DMD: variants seen among roughly 807,000 people sequenced by gnomAD.
DMD encodes mutant dystrophin.
Under a neutral mutation model 330.1 loss-of-function variants are expected in DMD, and 63 were observed. The observed-to-expected ratio is 0.19, with a 90% confidence interval of 0.16 to 0.24. The LOEUF (loss-of-function observed/expected upper bound fraction) is 0.24, where lower values mean the gene tolerates loss of function less well. Among genes scored for constraint, DMD ranks in the 10% least tolerant of loss-of-function variants. The pLI is 1.00. For synonymous variants in DMD, 1,223 were observed against 959.8 expected, an observed-to-expected ratio of 1.27 and a Z score of -5.07; for missense variants, 3,344 against 2,684.1, an observed-to-expected ratio of 1.25 and a Z score of -5.43.
intron 9 of DMD, among the ~76,000 whole-genome samples, chrX:32,689,940 G>A (rs1230927635): frequency 9.0e-6 from 1 of 110,498 alleles, no homozygotes; most frequent in African/African-American, 3.3e-5. Flanking sequence ...AAGATCGCAG[G>A]TCATATCACA....
At chrX:32,421,197 T>A (rs1392575968) in intron 29 of DMD, among the ~76,000 whole-genome samples, 1 of 112,537 alleles carries the variant, frequency 8.9e-6, no homozygotes, top group Non-Finnish European at 1.9e-5. Context: ...AGTATGCTTA[T>A]GGCTTCCTGT....
intron 52 of DMD, among the ~76,000 whole-genome samples, chrX:31,710,840 G>A (rs896019910): frequency 6.3e-5 from 7 of 111,007 alleles, no homozygotes; most frequent in Non-Finnish European, 9.5e-5. Flanking sequence ...TATATGATAT[G>A]AACTCTATCA....
chrX:31,138,647 GA>G lies in DMD; in HGVS notation c.10922-4454del, dbSNP rs2035580841. The stretch of plus-strand genomic sequence containing the variant: ...CAGGAGAGAGAGAGAGAGAGAGAGA[GA>G]GAGAGAGAGAGAGAGAGAGAGAGAG... On this transcript the variant is annotated intron_variant, in intron 76 of 78. Transcript: ENST00000357033. Among the ~76,000 whole-genome samples the G allele has an allele frequency of 4.2e-5, 3 of 70,661 alleles. No individual in the cohort carries two copies. In the East Asian group the frequency reaches 1.3e-3, roughly 31 times the overall value. The allele number at this position is 70,661 out of a possible 115,157, so 61.4% of individuals were successfully genotyped here.
At chrX:33,061,067 A>G (rs371861033) in intron 1 of DMD, among the ~76,000 whole-genome samples, 2 of 112,079 alleles carry the variant, frequency 1.8e-5, no homozygotes, top group Non-Finnish European at 1.9e-5. Flanking sequence ...TGTTCTTTAC[A>G]ATTTCCATTT....
intron 1 of DMD, among the ~76,000 whole-genome samples, chrX:33,284,899 G>T (rs1452268198): frequency 9.4e-6 from 1 of 106,862 alleles, no homozygotes; most frequent in Non-Finnish European, 1.9e-5. Flanking sequence ...GCAGTGAGGG[G>T]TATTAATGAC....
chrX:32,069,327 T>C (rs922749489), intron 44 of DMD, among the ~76,000 whole-genome samples: 18 of 111,774 alleles, frequency 1.6e-4, no homozygotes, highest in African/African-American at 5.5e-4. Context: ...AATCTAAATA[T>C]GTTTCTTTAG....
chrX:32,714,793 T>C (rs981225468), intron 7 of DMD, among the ~76,000 whole-genome samples: 2 of 112,162 alleles, frequency 1.8e-5, no homozygotes, highest in African/African-American at 3.2e-5. Flanking sequence ...GAAAACTACA[T>C]AGATTTTGGA....
At position 31,995,125 on chromosome X, in the gene DMD, TTCTC is replaced by T. The variant is rs768081918; in HGVS notation, c.6439-26615_6439-26612del. ...AGGATGGCATTTCCGAAGTTCCAAA[TTCTC>T]TCTGTGTGTATCTGTGTGCTTGAGC... On this transcript the variant is annotated intron_variant, in intron 44 of 78. Transcript: ENST00000357033. Among the ~76,000 whole-genome samples the T allele has an allele frequency of 7.6e-4, 85 of 111,936 alleles. No individual in the cohort carries two copies. The South Asian group carries it at 0.031, about 41-fold the overall frequency.
At chrX:31,500,037 A>AT (rs199841735) in intron 56 of DMD, among the ~76,000 whole-genome samples, 4,724 of 111,497 alleles carry the variant, frequency 0.042, 94 homozygotes, top group Middle Eastern at 0.087. Flanking sequence ...AAATTGCTTC[A>AT]TTTTTTTCCT....
At chrX:32,449,422 T>G (rs1401906850) in intron 26 of DMD, among the ~76,000 whole-genome samples, 1 of 109,835 alleles carries the variant, frequency 9.1e-6, no homozygotes, top group Admixed American at 9.8e-5. Flanking sequence ...ACGAACGCCG[T>G]TTCTTTATTA....
At chrX:32,141,577 C>T (rs1191790144) in intron 44 of DMD, among the ~76,000 whole-genome samples, 4 of 111,315 alleles carry the variant, frequency 3.6e-5, no homozygotes, top group Admixed American at 9.6e-5. Context: ...TTCTCCTTTG[C>T]TCTCTGTGCC....
intron 13 of DMD, among the ~76,000 whole-genome samples, chrX:32,582,469 C>T (rs1041259226): frequency 2.7e-5 from 3 of 111,346 alleles, no homozygotes; most frequent in Non-Finnish European, 3.8e-5. Context: ...AACTATAAAA[C>T]ATTATTGAGA....
chrX:31,828,626 A>G (rs1422957519), intron 49 of DMD, among the ~76,000 whole-genome samples: 1 of 103,072 alleles, frequency 9.7e-6, no homozygotes, highest in African/African-American at 3.6e-5. Context: ...ATCATGCCAC[A>G]GCACTAAAGC....
chrX:33,186,242 T>A (rs775945058), intron 1 of DMD, among the ~76,000 whole-genome samples: 3 of 112,244 alleles, frequency 2.7e-5, no homozygotes, highest in Non-Finnish European at 5.6e-5. Flanking sequence ...TGGCCTAGGC[T>A]ACATGTAGGC....
At chrX:31,988,468 C>A in intron 44 of DMD, among the ~76,000 whole-genome samples, 1 of 47,738 alleles carries the variant, frequency 2.1e-5, no homozygotes. Context: ...AGTGAGACTC[C>A]ATCTCAAAAA....
chrX:31,283,361 C>T (rs1372997466), intron 62 of DMD, among the ~76,000 whole-genome samples: 2 of 111,455 alleles, frequency 1.8e-5, no homozygotes, highest in African/African-American at 3.3e-5. Context: ...TAGTCATTAT[C>T]GTGTCTGAAT....
At chrX:31,149,771 C>T in intron 74 of DMD, among the ~76,000 whole-genome samples, 1 of 111,835 alleles carries the variant, frequency 8.9e-6, no homozygotes, top group Non-Finnish European at 1.9e-5. Flanking sequence ...ATATACATCA[C>T]CTGATTCAAT....
At chrX:32,807,122 T>TG (rs1345640031) in intron 7 of DMD, among the ~76,000 whole-genome samples, 14 of 20,742 alleles carry the variant, frequency 6.7e-4, no homozygotes, top group Non-Finnish European at 1.1e-3. Flanking sequence ...CGGAAACATT[T>TG]AAAAAAAAAA....
At chrX:31,196,304 G>C (rs376316367) in intron 67 of DMD, among the ~76,000 whole-genome samples, 3 of 111,086 alleles carry the variant, frequency 2.7e-5, no homozygotes, top group East Asian at 5.7e-4. Flanking sequence ...TGGACTATTA[G>C]GGTCTACCTT....
Sources: gnomAD v4.1 joint callset for allele counts (sites outside exome capture counted in the v4.1 genomes callset) on GRCh38, gnomAD v4.1.1 for gene constraint, MANE v1.5 for transcripts, NCBI Gene and HGNC (gene_info 2026-07-23, HGNC 2026-07-21) for gene names.